Variants in CLASP2 observed in about 807,000 individuals in gnomAD.
CLASP2 encodes CLIP-associating protein 2.
A neutral mutation model predicts 194.4 loss-of-function variants in CLASP2; 47 were observed. That is an observed-to-expected ratio of 0.24 (90% CI 0.19 to 0.31). The LOEUF is 0.31. CLASP2 is among the 10% of genes least tolerant of loss of function. CLASP2 has a pLI of 1.00. For synonymous variants in CLASP2, 619 were observed against 633.5 expected (o/e 0.98, Z 0.34); for missense variants, 1,445 against 1,823.6 (o/e 0.79, Z 3.78).
intron 34 of CLASP2, among the ~76,000 whole-genome samples, chr3:33,533,184 G>T (rs943115911): frequency 2.0e-5 from 3 of 152,170 alleles, no homozygotes; most frequent in East Asian, 1.9e-4. Context: ...CTACTACATA[G>T]TATTCAATGG....
At position 33,577,388 on chromosome 3, in the gene CLASP2, G is replaced by A. The variant is rs1052888746; in HGVS notation, c.2348-1113C>T. 1.4e-5 allele frequency: 10 copies of A among 697,932 alleles called. No individual in the cohort carries two copies. The African/African-American group carries it at 1.6e-4, about 11-fold the overall frequency. 43.2% of individuals were successfully genotyped at this position (697,932 alleles called of 1,614,324 possible). A position where few individuals can be genotyped will look rare whatever the true frequency, so the allele number is the denominator to read the frequency against. On this transcript the variant is annotated intron_variant, in intron 23 of 38. Coordinates refer to ENST00000682230, the MANE Select transcript of CLASP2 (RefSeq NM_001365631.1). Reference sequence around the variant, plus strand: ...TTATTCTTTATAGTTAATGATCAGAGTATTGCCAAATAGGGCAATGGAACA... The same window carrying A: ...TTATTCTTTATAGTTAATGATCAGAATATTGCCAAATAGGGCAATGGAACA...
chr3:33,619,554 CA>C, intron 12 of CLASP2, 48 bp downstream of exon 12: 2 of 1,455,084 alleles, frequency 1.4e-6, no homozygotes, highest in South Asian at 2.8e-5. Context: ...GAAGAAGAAA[CA>C]AAAGTGGGGG....
In CLASP2 at chr3:33,581,901, C is replaced by G; in HGVS notation, c.2267G>C (p.Ser756Thr). 1 of 1,613,524 alleles carries G rather than the reference C, an allele frequency of 6.2e-7. No individual in the cohort carries two copies. The highest frequency in any genetic ancestry group is 8.5e-7 in the Non-Finnish European group (1 of 1,179,670). Residue 756 changes from serine to threonine, a missense_variant, in exon 23 of 39, where the codon AGT (serine) becomes ACT (threonine). Around this residue, in one of 4 missense-constraint regions of CLASP2, gnomAD observed 732 missense variants for 987.9 expected, o/e 0.74. Transcript: ENST00000682230. ...TTCCCGGCTGCATCCTTGACTCACA[C>G]TTGGTCGAGGAATACGACTGCTTCG... The part of the protein sequence containing the change: ...VARSSRIPRP[S>T]VSQGCSREAS...
At chr3:33,662,741 G>A (rs1178926023) in intron 7 of CLASP2, among the ~76,000 whole-genome samples, 1 of 151,970 alleles carries the variant, frequency 6.6e-6, no homozygotes, top group African/African-American at 2.4e-5. Flanking sequence ...TTTACTAGGT[G>A]GAAAAGCAAC....
At chr3:33,591,741 C>T (rs1422539218) in intron 21 of CLASP2, among the ~76,000 whole-genome samples, 1 of 152,118 alleles carries the variant, frequency 6.6e-6, no homozygotes, top group East Asian at 1.9e-4. Flanking sequence ...AACTCAGCTT[C>T]CAGTGAAAGA....
Position 33,506,377 on chromosome 3 carries a change from CGAAAAAAAAAAA to C in CLASP2, c.4317+4169_4317+4180del, listed in dbSNP as rs1343063860. ...TGGGTGACAGAGTGAGACTCTGTCT[CGAAAAAAAAAAA>C]AAAAAAAAAAAAAAAAAGAATTTGC... On this transcript the variant is annotated intron_variant, in intron 37 of 38. Transcript: ENST00000682230. Among the ~76,000 whole-genome samples, 35 of 61,878 alleles carry C rather than the reference CGAAAAAAAAAAA, an allele frequency of 5.7e-4. 1 individual carries two copies. Among genetic ancestry groups the C allele is most frequent in the Admixed American group, 2.4e-3 (9 of 3,682 alleles). 40.6% of individuals were successfully genotyped at this position (61,878 alleles called of 152,430 possible). A position where few individuals can be genotyped will look rare whatever the true frequency, so the allele number is the denominator to read the frequency against.
intron 2 of CLASP2, among the ~76,000 whole-genome samples, chr3:33,690,739 C>T (rs182368204): frequency 5.3e-5 from 8 of 152,234 alleles, no homozygotes; most frequent in South Asian, 2.1e-4. Context: ...TGGACTGTCC[C>T]GCTCCATTCG....
intron 8 of CLASP2, among the ~76,000 whole-genome samples, chr3:33,636,968 A>G (rs987114566): frequency 1.3e-5 from 2 of 152,222 alleles, no homozygotes; most frequent in Admixed American, 1.3e-4. Flanking sequence ...CCAAGAGAGA[A>G]TAAGTATATC....
In CLASP2 at chr3:33,604,171, G is replaced by T; in HGVS notation, c.1733C>A (p.Ser578Ter). The change falls in exon 17 of 39, where the codon TCA becomes TAA. Residue 578 changes from serine to a stop codon, truncating the protein, a stop_gained. Coordinates refer to ENST00000682230, the MANE Select transcript of CLASP2 (RefSeq NM_001365631.1). LOFTEE classifies it high-confidence loss of function. ...AAAATTACCTCTTCCAGCCACAGTTGATGGATTTGCTGTAGACCATTTGGA... is the reference window on the plus strand; with the variant it reads ...AAAATTACCTCTTCCAGCCACAGTTTATGGATTTGCTGTAGACCATTTGGA... ...FSSKWSTANP[S>*]TVAGRVSAGS... The T allele has an allele frequency of 6.4e-7, 1 of 1,560,202 alleles. No homozygotes were observed. The highest frequency in any genetic ancestry group is 8.7e-7 in the Non-Finnish European group (1 of 1,150,908).
intron 1 of CLASP2, among the ~76,000 whole-genome samples, chr3:33,701,713 G>A (rs1360331697): frequency 6.6e-6 from 1 of 152,140 alleles, no homozygotes; most frequent in Non-Finnish European, 1.5e-5. Flanking sequence ...ATGAAGGAAA[G>A]AAATATACTT....
intron 18 of CLASP2, among the ~76,000 whole-genome samples, chr3:33,600,293 TG>T (rs1237989921): frequency 2.0e-5 from 3 of 152,204 alleles, no homozygotes; most frequent in African/African-American, 7.2e-5. Context: ...GTCTTGTTAC[TG>T]ATCTTAGGGA....
chr3:33,592,655 A>T (rs1048698160), intron 20 of CLASP2, 159 bp from the exon 21 acceptor site: 10 of 639,506 alleles, frequency 1.6e-5, no homozygotes, highest in Admixed American at 7.3e-5. Flanking sequence ...ATAAACAGTA[A>T]TTTTTTTTTT....
At chr3:33,584,367 G>A (rs1177645910) in intron 22 of CLASP2, among the ~76,000 whole-genome samples, 4 of 149,256 alleles carry the variant, frequency 2.7e-5, no homozygotes, top group African/African-American at 9.9e-5. Flanking sequence ...CTCCACCCCA[G>A]GTTCAAAAGA....
At chr3:33,617,237 C>CTT (rs202056691) in intron 12 of CLASP2, among the ~76,000 whole-genome samples, 1 of 151,704 alleles carries the variant, frequency 6.6e-6, no homozygotes, top group Non-Finnish European at 1.5e-5. Context: ...AATAAACTTA[C>CTT]TTTTTTTTAA....
intron 7 of CLASP2, among the ~76,000 whole-genome samples, chr3:33,645,699 T>C (rs921666433): frequency 3.3e-5 from 5 of 152,216 alleles, no homozygotes; most frequent in Non-Finnish European, 5.9e-5. Context: ...TAAGGTTTTA[T>C]GCAATATTCA....
Position 33,596,547 on chromosome 3 carries a change from C to A in CLASP2, c.1948+164G>T, listed in dbSNP as rs771272630. The A allele has an allele frequency of 1.4e-4, 97 of 673,108 alleles. 1 individual carries two copies. In the Middle Eastern group the frequency reaches 3.0e-3, roughly 21 times the overall value. The allele number at this position is 673,108 out of a possible 1,614,324, so 41.7% of individuals were successfully genotyped here. A position where few individuals can be genotyped will look rare whatever the true frequency, so the allele number is the denominator to read the frequency against. ...GTATGCCCAATAGATATCCCTAACC[C>A]CAAATTCATTCAGAGAATTATGTAG... On this transcript the variant is annotated intron_variant, in intron 19 of 38. Transcript: ENST00000682230.
At chr3:33,507,878 G>A (rs931032785) in intron 37 of CLASP2, among the ~76,000 whole-genome samples, 3 of 151,814 alleles carry the variant, frequency 2.0e-5, no homozygotes, top group African/African-American at 7.3e-5. Flanking sequence ...TATATACCCT[G>A]CCGCAACATC....
At chr3:33,515,781 G>A (rs749757795) in intron 36 of CLASP2, among the ~76,000 whole-genome samples, 2 of 152,210 alleles carry the variant, frequency 1.3e-5, no homozygotes, top group African/African-American at 4.8e-5. Context: ...AAAGTGAAGT[G>A]AAGGAGAAAA....
chr3:33,595,963 T>A (rs1483601724), intron 19 of CLASP2, among the ~76,000 whole-genome samples: 1 of 152,058 alleles, frequency 6.6e-6, no homozygotes, highest in Non-Finnish European at 1.5e-5. Context: ...ACATAATAAT[T>A]TACAGAAAAA....
Sources: gnomAD v4.1 joint callset for allele counts (sites outside exome capture counted in the v4.1 genomes callset) on GRCh38, gnomAD v4.1.1 for gene constraint, gnomAD v4.1.1 regional missense constraint, MANE v1.5 for transcripts, NCBI Gene and HGNC (gene_info 2026-07-23, HGNC 2026-07-21) for gene names.